The following DLG2 variants were observed in gnomAD, a reference collection of about 807,000 sequenced individuals.
The protein encoded by DLG2 is discs large MAGUK scaffold protein 2, also known as disks large homolog 2.
Under a neutral mutation model 132.5 loss-of-function variants are expected in DLG2, and 45 were observed. That is an observed-to-expected ratio of 0.34 (90% CI 0.27 to 0.44). DLG2 has a LOEUF of 0.44. Among genes scored for constraint, DLG2 ranks in the 20% least tolerant of loss-of-function variants. DLG2 has a pLI of 1.00. For missense variants in DLG2, 1,045 were observed against 1,196.9 expected, an observed-to-expected ratio of 0.87 and a Z score of 1.87; for synonymous variants, 424 against 419.6, an observed-to-expected ratio of 1.01 and a Z score of -0.13.
chr11:84,391,946 G>T (rs1451363697), intron 7 of DLG2, among the ~76,000 whole-genome samples: 1 of 152,110 alleles, frequency 6.6e-6, no homozygotes, highest in East Asian at 1.9e-4. Context: ...ATCTGAGTGG[G>T]TCACTGGAAA....
chr11:84,869,149 C>T (rs1416871816), intron 6 of DLG2, among the ~76,000 whole-genome samples: 1 of 152,220 alleles, frequency 6.6e-6, no homozygotes, highest in Admixed American at 6.5e-5. Context: ...TCTAATCTGT[C>T]CACAATGCAC....
At chr11:84,029,411 C>T (rs2095630089) in intron 11 of DLG2, among the ~76,000 whole-genome samples, 1 of 151,930 alleles carries the variant, frequency 6.6e-6, no homozygotes, top group African/African-American at 2.4e-5. Context: ...AATTCACACT[C>T]TTTGCAGAAA....
At chr11:84,845,036 G>C (rs898746139) in intron 6 of DLG2, among the ~76,000 whole-genome samples, 1 of 152,002 alleles carries the variant, frequency 6.6e-6, no homozygotes, top group African/African-American at 2.4e-5. Context: ...TCCAATCATA[G>C]AGTTAATCAA....
At chr11:85,063,117 C>A (rs557485256) in intron 6 of DLG2, among the ~76,000 whole-genome samples, 27 of 151,902 alleles carry the variant, frequency 1.8e-4, no homozygotes, top group African/African-American at 6.3e-4. Context: ...AGGGTCAAAG[C>A]GCTCATTCTC....
intron 21 of DLG2, among the ~76,000 whole-genome samples, chr11:83,525,440 T>C (rs1477457344): frequency 6.6e-6 from 1 of 152,306 alleles, no homozygotes; most frequent in African/African-American, 2.4e-5. Context: ...CCTGGACATA[T>C]GCCTATCTTT....
At chr11:83,995,367 A>G (rs571806229) in intron 11 of DLG2, among the ~76,000 whole-genome samples, 5 of 152,202 alleles carry the variant, frequency 3.3e-5, no homozygotes, top group African/African-American at 1.2e-4. Context: ...ATGAGGCTCC[A>G]GAAGTGCCAT....
intron 10 of DLG2, among the ~76,000 whole-genome samples, chr11:84,081,975 C>G (rs1192421411): frequency 6.6e-6 from 1 of 152,166 alleles, no homozygotes; most frequent in Non-Finnish European, 1.5e-5. Context: ...CATATGCTCT[C>G]CAGCACCTGT....
intron 3 of DLG2, among the ~76,000 whole-genome samples, chr11:85,526,435 T>C (rs1421865185): frequency 6.6e-6 from 1 of 152,060 alleles, no homozygotes; most frequent in African/African-American, 2.4e-5. Flanking sequence ...TAGAGTTCTA[T>C]ATCCAAATAT....
intron 3 of DLG2, among the ~76,000 whole-genome samples, chr11:85,402,890 G>T (rs924075050): frequency 1.6e-4 from 25 of 152,152 alleles, no homozygotes; most frequent in African/African-American, 5.5e-4. Context: ...TTACACTGTT[G>T]TTGGGACTGT....
chr11:85,319,523 C>T (rs72950191), intron 3 of DLG2, among the ~76,000 whole-genome samples: 65 of 151,872 alleles, frequency 4.3e-4, no homozygotes, highest in Non-Finnish European at 8.3e-4. Flanking sequence ...AAACACTATC[C>T]TCTATATCTT....
intron 3 of DLG2, among the ~76,000 whole-genome samples, chr11:85,415,620 GT>G (rs891973031): frequency 6.6e-6 from 1 of 151,878 alleles, no homozygotes; most frequent in African/African-American, 2.4e-5. Flanking sequence ...GTGTTGATGA[GT>G]TTTTTTTCAT....
intron 7 of DLG2, among the ~76,000 whole-genome samples, chr11:84,331,000 C>G (rs11233987): frequency 0.39 from 59,546 of 151,998 alleles, 12,027 homozygotes; most frequent in African/African-American, 0.5. Context: ...GGACTGATCA[C>G]GATTTTGAGA....
At chr11:84,505,080 C>A (rs2099234989) in intron 7 of DLG2, among the ~76,000 whole-genome samples, 1 of 152,036 alleles carries the variant, frequency 6.6e-6, no homozygotes, top group South Asian at 2.1e-4. Context: ...TCGTTGGTGC[C>A]TTTCTAAATG....
At chr11:84,551,330 A>T (rs1207629927) in intron 6 of DLG2, among the ~76,000 whole-genome samples, 1 of 152,182 alleles carries the variant, frequency 6.6e-6, no homozygotes, top group African/African-American at 2.4e-5. Context: ...GATGCTTAAT[A>T]TGCAACTTAA....
chr11:83,963,709 A>G (rs1002218460), intron 13 of DLG2, among the ~76,000 whole-genome samples: 1 of 151,938 alleles, frequency 6.6e-6, no homozygotes, highest in African/African-American at 2.4e-5. Context: ...CCTCTTTGCC[A>G]TTCTTGCAAG....
At chr11:83,506,332 C>A (rs900220718) in intron 21 of DLG2, among the ~76,000 whole-genome samples, 8 of 152,214 alleles carry the variant, frequency 5.3e-5, no homozygotes, top group African/African-American at 1.9e-4. Flanking sequence ...CAGCCTGATC[C>A]AACTCTATGT....
rs1371516651 is a variant in DLG2, at chr11:84,041,962, T to G, written c.919+17353A>C. 2.6e-5 allele frequency among the ~76,000 whole-genome samples: 4 copies of G among 152,070 alleles called. No individual in the cohort carries two copies. In the East Asian group the frequency reaches 7.8e-4, roughly 30 times the overall value. On this transcript the variant is annotated intron_variant, in intron 11 of 27. Transcript: ENST00000376104. ...TCCCTGTACAAGCTCTCTTCTCTTG[T>G]GTGCCACCATGTGAGATGTGCCTTT...
intron 19 of DLG2, among the ~76,000 whole-genome samples, chr11:83,621,163 A>G (rs2061579121): frequency 6.6e-6 from 1 of 152,176 alleles, no homozygotes; most frequent in Non-Finnish European, 1.5e-5. Flanking sequence ...AATATTAAAG[A>G]GCAACCAATT....
At chr11:84,045,191 T>C (rs555592674) in intron 11 of DLG2, among the ~76,000 whole-genome samples, 1 of 151,894 alleles carries the variant, frequency 6.6e-6, no homozygotes, top group South Asian at 2.1e-4. Context: ...AACCAGCCCT[T>C]CCTTATACCT....
Sources: gnomAD v4.1 joint callset for allele counts (sites outside exome capture counted in the v4.1 genomes callset) on GRCh38, gnomAD v4.1.1 for gene constraint, MANE v1.5 for transcripts, NCBI Gene and HGNC (gene_info 2026-07-23, HGNC 2026-07-21) for gene names.